ACCSL: variants seen among roughly 807,000 people sequenced by gnomAD.
ACCSL encodes probable inactive 1-aminocyclopropane-1-carboxylate synthase-like protein 2.
Under a neutral mutation model 61.7 loss-of-function variants are expected in ACCSL, and 55 were observed. The ratio of observed to expected loss-of-function variants is 0.89; its 90% CI spans 0.72 to 1.12. The LOEUF (loss-of-function observed/expected upper bound fraction) is 1.12, where lower values mean the gene tolerates loss of function less well. Ranked by LOEUF, ACCSL falls within the 50% of genes most tolerant of loss-of-function variation. The probability of loss-of-function intolerance (pLI) is 0.00; values close to 1 mark genes in which losing one functional copy is unlikely to be tolerated. For missense variants in ACCSL, 632 were observed against 698.0 expected (o/e 0.91, Z 1.07); for synonymous variants, 258 against 264.3 (o/e 0.98, Z 0.23).
At chr11:43,943,946 G>A in the ACCSL span, 2 of 1,019,126 alleles carry the variant, frequency 2.0e-6, no homozygotes, top group Non-Finnish European at 1.3e-6. The surrounding 1 kb of genome is among the most constrained non-coding windows in gnomAD (Gnocchi z 4.8). Context: ...CGGGGAGGTG[G>A]GGGAGGAGGT....
chr11:43,935,641 CTT>C, the ACCSL span, among the ~76,000 whole-genome samples: 1 of 152,212 alleles, frequency 6.6e-6, no homozygotes, highest in African/African-American at 2.4e-5. Context: ...CGACAGATGA[CTT>C]TTATTTTTAT....
At chr11:44,022,172 T>A in the ACCSL span, among the ~76,000 whole-genome samples, 6 of 152,150 alleles carry the variant, frequency 3.9e-5, no homozygotes, top group Non-Finnish European at 5.9e-5. Flanking sequence ...GGTATTTTGA[T>A]GGGAATTGCA....
chr11:44,013,838 G>A, the ACCSL span, among the ~76,000 whole-genome samples: 3 of 152,082 alleles, frequency 2.0e-5, no homozygotes, highest in Non-Finnish European at 4.4e-5. Context: ...TAGCATTTGG[G>A]GCTGTGCGGA....
chr11:43,943,175 C>T, the ACCSL span: 6 of 1,507,152 alleles, frequency 4.0e-6, no homozygotes, highest in Non-Finnish European at 5.3e-6. The surrounding 1 kb of genome is among the most constrained non-coding windows in gnomAD (Gnocchi z 4.8). Flanking sequence ...GGAGTGCCTG[C>T]GCCGCAGCAC....
At chr11:43,935,311 C>A in the ACCSL span, among the ~76,000 whole-genome samples, 1 of 147,464 alleles carries the variant, frequency 6.8e-6, no homozygotes, top group African/African-American at 2.5e-5. Context: ...AAGTGTAGAT[C>A]GACCCAAACA....
chr11:44,044,259 G>C (rs1952587840), upstream of ACCSL, among the ~76,000 whole-genome samples: 2 of 152,110 alleles, frequency 1.3e-5, no homozygotes, highest in African/African-American at 4.8e-5. Flanking sequence ...GGCTAAAATG[G>C]GAGGCTTGGG....
chr11:43,989,222 T>C, the ACCSL span, among the ~76,000 whole-genome samples: 150 of 152,316 alleles, frequency 9.8e-4, no homozygotes, highest in African/African-American at 3.4e-3. Flanking sequence ...GACCAGTCAC[T>C]TTACCTCTCT....
At chr11:44,023,627 GT>G in the ACCSL span, among the ~76,000 whole-genome samples, 1,820 of 137,936 alleles carry the variant, frequency 0.013, 30 homozygotes, top group South Asian at 0.036. Context: ...GATTTTATCT[GT>G]TTTTTTTTTT....
chr11:44,055,151 A>G, intron 8 of ACCSL, 51 bp from the exon 9 acceptor site: 1 of 1,312,716 alleles, frequency 7.6e-7, no homozygotes, highest in African/African-American at 1.5e-5. Context: ...GCAAAGAAAA[A>G]AGATTAGAGA....
the ACCSL span, among the ~76,000 whole-genome samples, chr11:44,021,215 T>C: frequency 6.6e-6 from 1 of 152,236 alleles, no homozygotes; most frequent in African/African-American, 2.4e-5. Context: ...ATAGTGGTTG[T>C]ACTAGCTTAC....
At chr11:44,050,240 AAATAGCTTCTAG>A in intron 2 of ACCSL, 119 bp downstream of exon 2, 1 of 864,068 alleles carries the variant, frequency 1.2e-6, no homozygotes, top group Non-Finnish European at 2.0e-6. Context: ...AGGAGTGAAG[AAATAGCTTCTAG>A]AATAGCACAT....
chr11:43,998,058 T>G, the ACCSL span, among the ~76,000 whole-genome samples: 2 of 152,218 alleles, frequency 1.3e-5, no homozygotes, highest in Non-Finnish European at 2.9e-5. Flanking sequence ...CTCTGCCACT[T>G]TCTGCGTATC....
chr11:44,000,211 G>A, the ACCSL span, among the ~76,000 whole-genome samples: 3 of 150,666 alleles, frequency 2.0e-5, no homozygotes, highest in Admixed American at 6.6e-5. Flanking sequence ...TGCAACCTCC[G>A]CCTCCCGGGT....
the ACCSL span, among the ~76,000 whole-genome samples, chr11:44,027,808 A>G: frequency 6.6e-6 from 1 of 152,150 alleles, no homozygotes; most frequent in Non-Finnish European, 1.5e-5. Context: ...TGTACACCAA[A>G]CCCATGACTT....
chr11:44,050,672 T>C, intron 3 of ACCSL, 50 bp downstream of exon 3: 4 of 1,569,698 alleles, frequency 2.5e-6, no homozygotes, highest in Non-Finnish European at 3.5e-6. Context: ...GCAGCTGTCC[T>C]TATCCAGAAG....
At position 44,050,602 on chromosome 11, in the gene ACCSL, T is replaced by C; in HGVS notation, c.615T>C (p.Pro205=). The C allele has an allele frequency of 1.9e-6, 3 of 1,614,112 alleles. No homozygotes were observed. Among genetic ancestry groups the C allele is most frequent in the Non-Finnish European group, 2.5e-6 (3 of 1,180,000 alleles). Residue 205 remains proline (P), a synonymous_variant, in exon 3 of 14, where the codon CCT becomes CCC. Coordinates refer to ENST00000378832, the MANE Select transcript of ACCSL (RefSeq NM_001031854.2). Reference sequence around the variant, plus strand: ...TTGAGGACACCTTGCTTCAGTACCCTGATTGGAGAGGGCAGCCATTGTAAG... The same window carrying C: ...TTGAGGACACCTTGCTTCAGTACCCCGATTGGAGAGGGCAGCCATTGTAAG... ...NCIEDTLLQY[P]DWRGQPFLRE...
the ACCSL span, among the ~76,000 whole-genome samples, chr11:43,990,500 C>A: frequency 6.6e-6 from 1 of 152,096 alleles, no homozygotes; most frequent in Non-Finnish European, 1.5e-5. Flanking sequence ...GAAGTGGAAC[C>A]CTCATGCCTT....
the ACCSL span, among the ~76,000 whole-genome samples, chr11:43,951,192 A>T: frequency 1.3e-5 from 2 of 152,158 alleles, no homozygotes; most frequent in African/African-American, 4.8e-5. Flanking sequence ...AAGTCAGGAG[A>T]GATAGAAAGT....
chr11:44,030,344 C>G, the ACCSL span, among the ~76,000 whole-genome samples: 5 of 151,794 alleles, frequency 3.3e-5, no homozygotes, highest in African/African-American at 1.2e-4. Context: ...GAGCCCCACT[C>G]TCCCTCCTGT....
Sources: allele counts gnomAD v4.1 joint callset (sites outside exome capture counted in the v4.1 genomes callset), GRCh38; gene constraint gnomAD v4.1.1; non-coding constraint Gnocchi (gnomAD v3.1); transcripts MANE v1.5; gene names NCBI Gene and HGNC (gene_info 2026-07-23, HGNC 2026-07-21).